The following TNFSF14 variants were observed in gnomAD, a reference collection of about 807,000 sequenced individuals.
TNFSF14 encodes the protein TNF superfamily member 14.
Under a neutral mutation model 22.7 loss-of-function variants are expected in TNFSF14, and 15 were observed. The observed-to-expected ratio is 0.66, with a 90% CI of 0.44 to 1.02. TNFSF14 has a LOEUF of 1.02. TNFSF14 is among the 50% of genes least tolerant of loss of function. TNFSF14 has a pLI of 0.00. For missense variants in TNFSF14, 287 were observed against 326.2 expected (o/e 0.88, Z 0.93); for synonymous variants, 133 against 139.6 (o/e 0.95, Z 0.33).
At position 6,665,727 on chromosome 19, in the gene TNFSF14, C is replaced by A. The variant is rs150366237; in HGVS notation, c.299-377G>T. ...CCCGGCCTCACATGTCTTACTCCTG[C>A]TGTGTGACTCCAGGCCAGTCACCAC... is the stretch of plus-strand genomic sequence containing the variant. On this transcript the variant is annotated intron_variant, in intron 3 of 3. Transcript: ENST00000675206. 2.0e-3 allele frequency among the ~76,000 whole-genome samples: 310 copies of A among 151,788 alleles called. 2 individuals carry two copies. Among genetic ancestry groups the A allele is most frequent in the African/African-American group, 7.0e-3 (288 of 41,378 alleles).
chr19:6,669,365 C>T (rs1262210296), intron 1 of TNFSF14, among the ~76,000 whole-genome samples: 1 of 152,142 alleles, frequency 6.6e-6, no homozygotes, highest in Non-Finnish European at 1.5e-5. Flanking sequence ...TGCCTGTAAT[C>T]CCAGCTACTC....
At position 6,669,842 on chromosome 19, in the gene TNFSF14, C is replaced by T. The variant is rs937892494; in HGVS notation, c.219+9G>A. ...CTCCACCTGCTCTCAGCCCCCCGGTCCCACTCACAGGCAGGCGGGTGACCA... is the reference window on the plus strand; with the variant it reads ...CTCCACCTGCTCTCAGCCCCCCGGTTCCACTCACAGGCAGGCGGGTGACCA... On this transcript the variant is annotated intron_variant, in intron 1 of 3. Coordinates refer to ENST00000675206, the MANE Select transcript of TNFSF14 (RefSeq NM_001376887.1). The T allele has an allele frequency of 6.2e-7, 1 of 1,610,966 alleles. No individual in the cohort carries two copies. Among genetic ancestry groups the T allele is most frequent in the Non-Finnish European group, 8.5e-7 (1 of 1,179,860 alleles).
At chr19:6,666,587 T>A (rs1320183477) in intron 3 of TNFSF14, among the ~76,000 whole-genome samples, 2 of 152,152 alleles carry the variant, frequency 1.3e-5, no homozygotes, top group East Asian at 1.9e-4. Flanking sequence ...AAGCACTATA[T>A]GAGAGTTCAT....
In TNFSF14 at chr19:6,661,357, G is replaced by A. The variant is rs548940554; in HGVS notation, c.*3569C>T. The stretch of plus-strand genomic sequence containing the variant: ...GGGCTAGGTTTCTTTTTATACCTTG[G>A]TTTAGAAGGGGAAGAGGGAGCCGAG... On this transcript the variant is annotated 3_prime_UTR_variant, in exon 4 of 4. Coordinates refer to ENST00000675206, the MANE Select transcript of TNFSF14 (RefSeq NM_001376887.1). 6.6e-6 allele frequency: 1 copy of A among 152,346 alleles called. No individual in the cohort carries two copies. Among genetic ancestry groups the A allele is most frequent in the Non-Finnish European group, 1.5e-5 (1 of 68,044 alleles). 9.4% of individuals were successfully genotyped at this position (152,346 alleles called of 1,614,324 possible).
chr19:6,667,518 T>G, intron 1 of TNFSF14, 69 bp from the exon 2 acceptor site: 1 of 1,528,936 alleles, frequency 6.5e-7, no homozygotes. Flanking sequence ...TGCTCACACA[T>G]GGCTATGAGA....
In TNFSF14 at chr19:6,665,199, G is replaced by A. The variant is rs202058726; in HGVS notation, c.450C>T (p.Gly150=). The A allele has an allele frequency of 6.2e-7, 1 of 1,614,052 alleles. No homozygotes were observed. Among genetic ancestry groups the A allele is most frequent in the Non-Finnish European group, 8.5e-7 (1 of 1,179,996 alleles). The change falls in exon 4 of 4, where the codon GGC becomes GGT. Residue 150 remains glycine, a synonymous_variant. Coordinates refer to ENST00000675206, the MANE Select transcript of TNFSF14 (RefSeq NM_001376887.1). ...YYYIYSKVQL[G]GVGCPLGLAS... ...CCAGGCCCAGCGGGCAGCCCACACC[G>A]CCCAGCTGCACCTTGGAGTAGATGT...
In TNFSF14 at chr19:6,667,098, C is replaced by T. The variant is rs200441427; in HGVS notation, c.298+15G>A. On this transcript the variant is annotated intron_variant, in intron 3 of 3. Coordinates refer to ENST00000675206, the MANE Select transcript of TNFSF14 (RefSeq NM_001376887.1). The stretch of plus-strand genomic sequence containing the variant: ...CTGACCCCTGCCCCTTGCCAGGATC[C>T]AGGGTCCCTCTCACCTGTGAGATGC... 1 of 1,609,398 alleles carries T rather than the reference C, an allele frequency of 6.2e-7. No individual in the cohort carries two copies. Among genetic ancestry groups the T allele is most frequent in the East Asian group, 2.3e-5 (1 of 44,332 alleles).
At chr19:6,665,387 A>C in intron 3 of TNFSF14, 37 bp from the exon 4 acceptor site, 1 of 1,489,964 alleles carries the variant, frequency 6.7e-7, no homozygotes. Context: ...GCTGCCGGTC[A>C]GCACATGTCT....
chr19:6,668,041 T>A (rs902320885), intron 1 of TNFSF14, among the ~76,000 whole-genome samples: 17 of 150,960 alleles, frequency 1.1e-4, no homozygotes, highest in South Asian at 2.1e-4. Flanking sequence ...TCTCAAAAAA[T>A]AAATAAATAA....
chr19:6,664,632 G>GTATCATTCAAAAA lies in TNFSF14; in HGVS notation c.*293_*294insTTTTTGAATGATA. On this transcript the variant is annotated 3_prime_UTR_variant, in exon 4 of 4. Transcript: ENST00000675206. This position sits in a 1 kb window ranked among gnomAD's most constrained non-coding sequence, Gnocchi z 4.7. The stretch of plus-strand genomic sequence containing the variant: ...CGGCTCACTGCAACCTCCGCCTCCC[G>GTATCATTCAAAAA]GGTTTAAGCAAAATTATCCTGCCTC... The GTATCATTCAAAAA allele has an allele frequency of 4.4e-6, 1 of 228,162 alleles. No homozygotes were observed. The highest frequency in any genetic ancestry group is 8.6e-6 in the Non-Finnish European group (1 of 116,068). The allele number at this position is 228,162 out of a possible 1,614,324, so 14.1% of individuals were successfully genotyped here. A position where few individuals can be genotyped will look rare whatever the true frequency, so the allele number is the denominator to read the frequency against.
At chr19:6,666,316 C>T (rs746005308) in intron 3 of TNFSF14, among the ~76,000 whole-genome samples, 11 of 150,470 alleles carry the variant, frequency 7.3e-5, no homozygotes, top group Non-Finnish European at 1.5e-4. Context: ...GTGGGAGGAT[C>T]GCTTGCACCT....
At position 6,669,832 on chromosome 19, in the gene TNFSF14, G is replaced by GC. The variant is rs949180934; in HGVS notation, c.219+18dup. ...CCCCCCTCACCTCCACCTGCTCTCA[G>GC]CCCCCCGGTCCCACTCACAGGCAGG... On this transcript the variant is annotated intron_variant, in intron 1 of 3. Coordinates refer to ENST00000675206, the MANE Select transcript of TNFSF14 (RefSeq NM_001376887.1). 1.2e-6 allele frequency: 2 copies of GC among 1,606,902 alleles called. No homozygotes were observed. The highest frequency in any genetic ancestry group is 1.8e-4 in the Middle Eastern group (1 of 5,424).
rs140486559 is a variant in TNFSF14 at position 6,665,084 on chromosome 19, G to A, written c.565C>T (p.Arg189Trp). The A allele has an allele frequency of 2.4e-5, 38 of 1,614,026 alleles. No individual in the cohort carries two copies. In the East Asian group the frequency reaches 2.5e-4, roughly 10 times the overall value. Residue 189 changes from arginine to tryptophan, a missense_variant, in exon 4 of 4, where the codon CGG (arginine) becomes TGG (tryptophan). Coordinates refer to ENST00000675206, the MANE Select transcript of TNFSF14 (RefSeq NM_001376887.1). ...CAGACCCGGGAGCTGCTGGTGGCCC[G>A]TCCGCAGGGTGACTGCTGGCTGACC... ...LLVSQQSPCG[R>W]ATSSSRVWWD...
At position 6,664,608 on chromosome 19, in the gene TNFSF14, G is replaced by GGTGGTT; in HGVS notation, c.*317_*318insAACCAC. The GGTGGTT allele has an allele frequency of 5.1e-6, 1 of 196,798 alleles. No homozygotes were observed. Among genetic ancestry groups the GGTGGTT allele is most frequent in the Non-Finnish European group, 1.0e-5 (1 of 96,280 alleles). The allele number at this position is 196,798 out of a possible 1,614,324, so 12.2% of individuals were successfully genotyped here. A position where few individuals can be genotyped will look rare whatever the true frequency, so the allele number is the denominator to read the frequency against. On this transcript the variant is annotated 3_prime_UTR_variant, in exon 4 of 4. Transcript: ENST00000675206. The surrounding 1 kb of genome is among the most constrained non-coding windows in gnomAD (Gnocchi z 4.7). ...GGTTGGAGTGCAGTGGTGTGATCTCGGCTCACTGCAACCTCCGCCTCCCGG... is the reference window on the plus strand; with the variant it reads ...GGTTGGAGTGCAGTGGTGTGATCTCGGTGGTTGCTCACTGCAACCTCCGCCTCCCGG...
At chr19:6,665,394 G>A in intron 3 of TNFSF14, 44 bp from the exon 4 acceptor site, 1 of 1,471,280 alleles carries the variant, frequency 6.8e-7, no homozygotes, top group Non-Finnish European at 9.0e-7. Context: ...GTCAGCACAT[G>A]TCTTCCTCTG....
chr19:6,664,669 T>G lies in TNFSF14; in HGVS notation c.*257A>C. 2 of 339,946 alleles carry G rather than the reference T, an allele frequency of 5.9e-6. No homozygotes were observed. Among genetic ancestry groups the G allele is most frequent in the Non-Finnish European group, 5.5e-6 (1 of 183,330 alleles). The allele number at this position is 339,946 out of a possible 1,614,324, so 21.1% of individuals were successfully genotyped here. On this transcript the variant is annotated 3_prime_UTR_variant, in exon 4 of 4. Coordinates refer to ENST00000675206, the MANE Select transcript of TNFSF14 (RefSeq NM_001376887.1). The surrounding 1 kb of genome is among the most constrained non-coding windows in gnomAD (Gnocchi z 4.7). ...AATTATCCTGCCTCAGCCTCCTGAG[T>G]AGCTGGATTACAGGCAGGCACCACC...
chr19:6,666,962 G>A (rs900032605), intron 3 of TNFSF14, 151 bp downstream of exon 3: 9 of 411,314 alleles, frequency 2.2e-5, no homozygotes, highest in South Asian at 6.2e-5. Flanking sequence ...AATAAAACTG[G>A]AAATACATAG....
At chr19:6,667,051 T>C in intron 3 of TNFSF14, 62 bp downstream of exon 3, 1 of 1,586,918 alleles carries the variant, frequency 6.3e-7, no homozygotes, top group Non-Finnish European at 8.6e-7. Context: ...GTATGGCGTT[T>C]ATCTGGTCTT....
In TNFSF14 at chr19:6,667,436, C is replaced by T. The variant is rs1470617234; in HGVS notation, c.233G>A (p.Gly78Asp). The T allele has an allele frequency of 5.1e-6, 8 of 1,559,396 alleles. No individual in the cohort carries two copies. The highest frequency in any genetic ancestry group is 5.2e-6 in the Non-Finnish European group (6 of 1,162,124). ...ACCTTGTATCAGCTGCTCCCAGGAG[C>T]CTGCAGGTCCGTCCTGAAAATGCAG... ...MVTRLPDGPA[G>D]SWEQLIQERR... The change falls in exon 2 of 4, where the codon GGC becomes GAC. Residue 78 changes from glycine to aspartate, a missense_variant. Physicochemically the swap from Gly to Asp is moderately conservative, Grantham distance 94. Coordinates refer to ENST00000675206, the MANE Select transcript of TNFSF14 (RefSeq NM_001376887.1).
Sources: gnomAD v4.1 joint callset for allele counts (sites outside exome capture counted in the v4.1 genomes callset) on GRCh38, gnomAD v4.1.1 for gene constraint, Gnocchi (gnomAD v3.1) non-coding constraint, MANE v1.5 for transcripts, NCBI Gene and HGNC (gene_info 2026-07-23, HGNC 2026-07-21) for gene names.